The following ANK3 variants were observed in gnomAD, a reference collection of about 807,000 sequenced individuals.
ANK3 encodes the protein ankyrin-3.
Under a neutral mutation model 370.9 loss-of-function variants are expected in ANK3, and 57 were observed. That is an observed-to-expected ratio of 0.15 (90% CI 0.12 to 0.19). ANK3 has a LOEUF of 0.19. Among genes scored for constraint, ANK3 ranks in the 10% least tolerant of loss-of-function variants. The probability of loss-of-function intolerance (pLI) is 1.00; values close to 1 mark genes in which losing one functional copy is unlikely to be tolerated. For missense variants in ANK3, 4,439 were observed against 5,302.1 expected (o/e 0.84, Z 5.06); for synonymous variants, 1,929 against 1,946.3 (o/e 0.99, Z 0.23).
intron 2 of ANK3, among the ~76,000 whole-genome samples, chr10:60,537,013 C>T (rs2076740171): frequency 6.6e-6 from 1 of 151,874 alleles, no homozygotes; most frequent in South Asian, 2.1e-4. Context: ...ATGTCTGACC[C>T]ACCAACAGCC....
intron 2 of ANK3, among the ~76,000 whole-genome samples, chr10:60,407,051 C>T (rs527340438): frequency 1.3e-5 from 2 of 152,296 alleles, no homozygotes; most frequent in South Asian, 2.1e-4. Context: ...TCTAGGCAAA[C>T]TTTCAGATAG....
intron 17 of ANK3, among the ~76,000 whole-genome samples, chr10:60,182,079 C>CTT (rs200772662): frequency 2.0e-4 from 29 of 144,026 alleles, no homozygotes; most frequent in African/African-American, 2.8e-4. Context: ...AAAAATTAGA[C>CTT]TTTTTTTTTT....
chr10:60,179,020 G>A (rs1016405924), intron 18 of ANK3, among the ~76,000 whole-genome samples: 2 of 152,198 alleles, frequency 1.3e-5, no homozygotes, highest in Admixed American at 1.3e-4. Context: ...TCAGGGAGAA[G>A]AGGTCTTGAT....
chr10:60,408,894 T>C (rs1459194769), intron 2 of ANK3, among the ~76,000 whole-genome samples: 7 of 152,178 alleles, frequency 4.6e-5, no homozygotes, highest in Non-Finnish European at 1.0e-4. Flanking sequence ...AAAGATGTGG[T>C]TCTGAGATCA....
At chr10:60,563,091 G>A (rs723011) in intron 2 of ANK3, among the ~76,000 whole-genome samples, 102,935 of 151,940 alleles carry the variant, frequency 0.68, 35,570 homozygotes, top group South Asian at 0.88. Flanking sequence ...TTTTCCTTTT[G>A]TTATTGATAA....
At chr10:60,107,786 G>C (rs1220197634) in intron 27 of ANK3, among the ~76,000 whole-genome samples, 1 of 151,914 alleles carries the variant, frequency 6.6e-6, no homozygotes, top group East Asian at 1.9e-4. Flanking sequence ...CACACACACA[G>C]GTGTACATAC....
At chr10:60,115,112 A>C (rs757374924) in intron 25 of ANK3, among the ~76,000 whole-genome samples, 5 of 152,196 alleles carry the variant, frequency 3.3e-5, no homozygotes, top group Non-Finnish European at 5.9e-5. Context: ...ATATCTCTGA[A>C]GAGCATAATG....
intron 2 of ANK3, among the ~76,000 whole-genome samples, chr10:60,478,724 A>G (rs1567076529): frequency 6.6e-6 from 1 of 152,172 alleles, no homozygotes; most frequent in Non-Finnish European, 1.5e-5. Flanking sequence ...AATATATTTC[A>G]TTAACACAAA....
At position 60,080,475 on chromosome 10, in the gene ANK3, T is replaced by C. The variant is rs758897256; in HGVS notation, c.4432+62A>G. On this transcript the variant is annotated intron_variant, in intron 36 of 43. Transcript: ENST00000280772. ...TCCAAATGATAAAATTTGGTTTGTA[T>C]AGAAAAAATGTCTCTTCTTATGAAA... 115 of 1,462,684 alleles carry C rather than the reference T, an allele frequency of 7.9e-5. 1 individual carries two copies. Among genetic ancestry groups the C allele is most frequent in the South Asian group, 3.4e-4 (28 of 81,766 alleles). 90.6% of individuals were successfully genotyped at this position (1,462,684 alleles called of 1,614,324 possible). A position where few individuals can be genotyped will look rare whatever the true frequency, so the allele number is the denominator to read the frequency against.
chr10:60,231,317 G>A (rs187125370), intron 8 of ANK3, among the ~76,000 whole-genome samples: 1 of 152,248 alleles, frequency 6.6e-6, no homozygotes, highest in Non-Finnish European at 1.5e-5. Flanking sequence ...TCTATTCTGT[G>A]AGCACCCAGG....
At chr10:60,095,131 T>G (rs572998885) in intron 28 of ANK3, among the ~76,000 whole-genome samples, 1 of 152,332 alleles carries the variant, frequency 6.6e-6, no homozygotes, top group African/African-American at 2.4e-5. Flanking sequence ...CTAATAAAAT[T>G]ATTAGTTGTT....
chr10:60,416,739 T>C (rs1030066030), intron 2 of ANK3, among the ~76,000 whole-genome samples: 4 of 152,222 alleles, frequency 2.6e-5, no homozygotes, highest in Non-Finnish European at 4.4e-5. Flanking sequence ...AATAGCAACA[T>C]GTAGCCAATA....
rs2092106291 is a variant in ANK3, at chr10:60,105,899, T to C, written c.3328+6A>G. 6.2e-7 allele frequency: 1 copy of C among 1,604,946 alleles called. No homozygotes were observed. The highest frequency in any genetic ancestry group is 1.3e-5 in the African/African-American group (1 of 74,330). On this transcript the variant is annotated splice_donor_region_variant and intron_variant, in intron 28 of 43. Coordinates refer to ENST00000280772, the MANE Select transcript of ANK3 (RefSeq NM_020987.5). The stretch of plus-strand genomic sequence containing the variant: ...ATTTACAGAACCAAGGAGCCATCAT[T>C]ATTACCTTCATCCATGCCATTAAGT...
intron 1 of ANK3, among the ~76,000 whole-genome samples, chr10:60,289,992 A>G (rs1026573664): frequency 3.3e-5 from 5 of 152,042 alleles, no homozygotes; most frequent in Non-Finnish European, 5.9e-5. Context: ...TTTTTTTCCT[A>G]TGAGACTAGA....
chr10:60,111,094 G>A (rs556551763), intron 26 of ANK3, among the ~76,000 whole-genome samples: 19 of 152,096 alleles, frequency 1.2e-4, no homozygotes, highest in South Asian at 2.1e-4. Flanking sequence ...GGTGAGACTC[G>A]GTTACTAATA....
intron 2 of ANK3, among the ~76,000 whole-genome samples, chr10:60,458,412 A>G (rs1253436542): frequency 6.6e-6 from 1 of 152,150 alleles, no homozygotes; most frequent in Non-Finnish European, 1.5e-5. Flanking sequence ...GGTTACTGTG[A>G]TAAGTAATAA....
At chr10:60,298,775 T>C (rs907346758) in intron 1 of ANK3, among the ~76,000 whole-genome samples, 1 of 152,210 alleles carries the variant, frequency 6.6e-6, no homozygotes, top group African/African-American at 2.4e-5. Flanking sequence ...TTTTTTAAGT[T>C]ATTAATTAAT....
chr10:60,698,668 C>T (rs10994475), intron 1 of ANK3, among the ~76,000 whole-genome samples: 37,155 of 139,760 alleles, frequency 0.27, 5,813 homozygotes, highest in South Asian at 0.47. Flanking sequence ...AACCAAACAC[C>T]GCATATTCTC....
chr10:60,542,315 T>C (rs1228281615), intron 2 of ANK3, among the ~76,000 whole-genome samples: 1 of 151,834 alleles, frequency 6.6e-6, no homozygotes, highest in Non-Finnish European at 1.5e-5. Flanking sequence ...TAGCAGAAAT[T>C]TACCCCACAT....
Sources: gnomAD v4.1 joint callset for allele counts (sites outside exome capture counted in the v4.1 genomes callset) on GRCh38, gnomAD v4.1.1 for gene constraint, MANE v1.5 for transcripts, NCBI Gene and HGNC (gene_info 2026-07-23, HGNC 2026-07-21) for gene names.